The following SCHIP1 variants were observed in gnomAD, a reference collection of about 807,000 sequenced individuals.
SCHIP1 encodes schwannomin-interacting protein 1.
A neutral mutation model predicts 29.7 loss-of-function variants in SCHIP1; 8 were observed. The observed-to-expected ratio is 0.27, with a 90% CI of 0.16 to 0.49. SCHIP1 has a LOEUF of 0.49. SCHIP1 is among the 20% of genes least tolerant of loss of function. The probability of loss-of-function intolerance (pLI) is 0.99; values close to 1 mark genes in which losing one functional copy is unlikely to be tolerated. For missense variants in SCHIP1, 193 were observed against 294.6 expected (o/e 0.66, Z 2.52); for synonymous variants, 76 against 94.9 (o/e 0.80, Z 1.16).
chr3:159,725,271 C>CT, the SCHIP1 span, among the ~76,000 whole-genome samples: 24,113 of 136,944 alleles, frequency 0.18, 2,310 homozygotes, highest in African/African-American at 0.25. Context: ...TTTCTTTTTT[C>CT]TTTTTTTTTT....
At chr3:159,354,504 CT>C in the SCHIP1 span, among the ~76,000 whole-genome samples, 1 of 152,116 alleles carries the variant, frequency 6.6e-6, no homozygotes, top group African/African-American at 2.4e-5. Flanking sequence ...AAGAAGAAAG[CT>C]TCATTTCATG....
the SCHIP1 span, among the ~76,000 whole-genome samples, chr3:159,363,100 T>TCTTA: frequency 6.6e-6 from 1 of 152,196 alleles, no homozygotes; most frequent in African/African-American, 2.4e-5. Context: ...TACTTACTCT[T>TCTTA]CTTACTCTCC....
the SCHIP1 span, among the ~76,000 whole-genome samples, chr3:159,641,567 A>C: frequency 3.3e-5 from 5 of 152,144 alleles, no homozygotes; most frequent in Admixed American, 6.6e-5. Flanking sequence ...CATATCTTAT[A>C]ACCTACTGAG....
At chr3:159,824,857 G>A in the SCHIP1 span, among the ~76,000 whole-genome samples, 2 of 152,076 alleles carry the variant, frequency 1.3e-5, no homozygotes, top group Non-Finnish European at 2.9e-5. Context: ...GTATTTGTTT[G>A]TTTTCCTCTA....
the SCHIP1 span, among the ~76,000 whole-genome samples, chr3:159,821,131 G>A: frequency 6.6e-6 from 1 of 152,206 alleles, no homozygotes; most frequent in Non-Finnish European, 1.5e-5. Flanking sequence ...AGAGGAGAAC[G>A]TTGTCTTAGA....
At chr3:159,809,862 C>G in the SCHIP1 span, among the ~76,000 whole-genome samples, 2 of 151,874 alleles carry the variant, frequency 1.3e-5, no homozygotes, top group African/African-American at 4.8e-5. Flanking sequence ...TTAGCTGGGG[C>G]ATGCAAATGT....
At chr3:159,430,782 G>A in the SCHIP1 span, among the ~76,000 whole-genome samples, 1 of 152,180 alleles carries the variant, frequency 6.6e-6, no homozygotes, top group East Asian at 1.9e-4. Context: ...GCATGAGATA[G>A]AGCGGGCAAG....
the SCHIP1 span, among the ~76,000 whole-genome samples, chr3:159,499,892 T>A: frequency 6.6e-6 from 1 of 152,242 alleles, no homozygotes; most frequent in Non-Finnish European, 1.5e-5. Context: ...GTCCGGTTTC[T>A]CATTTTGAAA....
chr3:159,632,157 A>C, the SCHIP1 span, among the ~76,000 whole-genome samples: 5 of 152,326 alleles, frequency 3.3e-5, no homozygotes, highest in Admixed American at 2.0e-4. Flanking sequence ...TTTGAGGACT[A>C]GAAAAATGTG....
chr3:159,573,661 G>T, the SCHIP1 span, among the ~76,000 whole-genome samples: 4 of 152,216 alleles, frequency 2.6e-5, no homozygotes, highest in South Asian at 6.2e-4. Context: ...GGCCTGCCTT[G>T]CTAGGTTTGG....
chr3:159,488,620 G>A, the SCHIP1 span, among the ~76,000 whole-genome samples: 2 of 152,136 alleles, frequency 1.3e-5, no homozygotes, highest in Non-Finnish European at 2.9e-5. Context: ...CTGCCAAGAA[G>A]AAACTAGACA....
At chr3:159,827,956 A>G in the SCHIP1 span, among the ~76,000 whole-genome samples, 1 of 152,166 alleles carries the variant, frequency 6.6e-6, no homozygotes, top group East Asian at 1.9e-4. Context: ...GTAAAAAGAA[A>G]AAACAAACTC....
chr3:159,397,226 T>A, the SCHIP1 span, among the ~76,000 whole-genome samples: 100 of 151,884 alleles, frequency 6.6e-4, no homozygotes, highest in East Asian at 0.016. Flanking sequence ...ATTCTTCTAA[T>A]TTTTTTTCAA....
the SCHIP1 span, among the ~76,000 whole-genome samples, chr3:159,773,354 C>T: frequency 6.6e-6 from 1 of 152,146 alleles, no homozygotes. Flanking sequence ...ATCATCTCAT[C>T]AAATGCTATT....
the SCHIP1 span, among the ~76,000 whole-genome samples, chr3:159,588,617 A>T: frequency 6.6e-6 from 1 of 152,206 alleles, no homozygotes; most frequent in East Asian, 1.9e-4. Flanking sequence ...TTAAGTCTTT[A>T]ATCCATCTTG....
At chr3:159,537,347 G>A in the SCHIP1 span, among the ~76,000 whole-genome samples, 4 of 152,094 alleles carry the variant, frequency 2.6e-5, no homozygotes, top group Non-Finnish European at 4.4e-5. Context: ...CAGGCTTCTT[G>A]AATACCAAAC....
the SCHIP1 span, among the ~76,000 whole-genome samples, chr3:159,293,195 G>C: frequency 6.6e-6 from 1 of 152,198 alleles, no homozygotes; most frequent in African/African-American, 2.4e-5. Context: ...ATGCAATAGA[G>C]ATGCTAGAAC....
the SCHIP1 span, among the ~76,000 whole-genome samples, chr3:159,612,844 T>C: frequency 6.6e-6 from 1 of 152,248 alleles, no homozygotes; most frequent in African/African-American, 2.4e-5. Flanking sequence ...GGAGTTTTCA[T>C]CTCTTTCAGA....
At chr3:159,765,501 G>C in the SCHIP1 span, 1 of 222,378 alleles carries the variant, frequency 4.5e-6, no homozygotes, top group South Asian at 9.8e-5. Flanking sequence ...TGCCTGCGGG[G>C]GATATTTCAA....
Sources: allele counts gnomAD v4.1 joint callset (sites outside exome capture counted in the v4.1 genomes callset), GRCh38; gene constraint gnomAD v4.1.1; transcripts MANE v1.5; gene names NCBI Gene and HGNC (gene_info 2026-07-23, HGNC 2026-07-21).